DOP1B: variants seen among roughly 807,000 people sequenced by gnomAD.
The protein encoded by DOP1B is DOP1 leucine zipper like protein B, also known as protein DOP1B.
DOP1B carries 174 observed loss-of-function variants against 233.5 expected under a neutral mutation model. That is an observed-to-expected ratio of 0.75 (90% CI 0.66 to 0.85). DOP1B has a LOEUF of 0.85. Among genes scored for constraint, DOP1B ranks in the 40% least tolerant of loss-of-function variants. DOP1B has a pLI of 0.00. For missense variants in DOP1B, 2,652 were observed against 2,846.6 expected, an observed-to-expected ratio of 0.93 and a Z score of 1.56; for synonymous variants, 1,190 against 1,185.6, an observed-to-expected ratio of 1.00 and a Z score of -0.08.
intron 1 of DOP1B, among the ~76,000 whole-genome samples, chr21:36,160,506 C>T: frequency 7.5e-6 from 1 of 132,662 alleles, no homozygotes; most frequent in African/African-American, 2.9e-5. Context: ...GAGACAGAGT[C>T]TCACTCTGTC....
chr21:36,237,443 C>T (rs2066841424), intron 16 of DOP1B, 29 bp downstream of exon 16: 26 of 1,612,142 alleles, frequency 1.6e-5, no homozygotes, highest in Non-Finnish European at 2.0e-5. Context: ...CACCTCCATC[C>T]TGCAGCACCC....
chr21:36,163,259 G>C (rs1000034884), intron 1 of DOP1B, among the ~76,000 whole-genome samples: 1 of 149,268 alleles, frequency 6.7e-6, no homozygotes, highest in Non-Finnish European at 1.5e-5. Flanking sequence ...CAGGAGAATC[G>C]CTTGAACCCA....
intron 35 of DOP1B, among the ~76,000 whole-genome samples, chr21:36,290,962 T>A (rs1455267494): frequency 6.8e-6 from 1 of 147,104 alleles, no homozygotes; most frequent in Non-Finnish European, 1.5e-5. Flanking sequence ...AGAGCGAGAC[T>A]CCCCCTCAAA....
chr21:36,189,631 A>AC (rs1383870741), intron 2 of DOP1B, among the ~76,000 whole-genome samples: 1 of 151,944 alleles, frequency 6.6e-6, no homozygotes, highest in Non-Finnish European at 1.5e-5. Context: ...AATCGCTAGA[A>AC]CCCGGGAGGT....
At chr21:36,227,633 T>C (rs2066708569) in intron 12 of DOP1B, 53 bp from the exon 13 acceptor site, 50 of 1,410,942 alleles carry the variant, frequency 3.5e-5, no homozygotes, top group Non-Finnish European at 4.6e-5. Flanking sequence ...GATGCATTGT[T>C]TTTCTGATTG....
At chr21:36,273,625 A>C (rs969812717) in intron 27 of DOP1B, among the ~76,000 whole-genome samples, 6 of 152,150 alleles carry the variant, frequency 3.9e-5, no homozygotes, top group African/African-American at 1.4e-4. Flanking sequence ...AGGTCTGGGA[A>C]GGCACTGCCC....
chr21:36,240,044 C>G, intron 18 of DOP1B, 89 bp downstream of exon 18: 2 of 1,399,898 alleles, frequency 1.4e-6, no homozygotes, highest in Non-Finnish European at 1.9e-6. Flanking sequence ...CTGAGGCCCA[C>G]TAGGGGGTTT....
At chr21:36,292,271 T>C in intron 36 of DOP1B, 38 bp downstream of exon 36, 1 of 1,461,074 alleles carries the variant, frequency 6.8e-7, no homozygotes, top group South Asian at 1.3e-5. Flanking sequence ...TTTTTTTTTT[T>C]GGTGAGACAG....
At position 36,246,176 on chromosome 21, in the gene DOP1B, A is replaced by G. The variant is rs764049383; in HGVS notation, c.4196A>G (p.Gln1399Arg). The G allele has an allele frequency of 2.5e-6, 4 of 1,613,776 alleles. No individual in the cohort carries two copies. The highest frequency in any genetic ancestry group is 2.2e-5 in the East Asian group (1 of 44,864). ...LSLSASMYTS[Q>R]KRYGLATAHH... ...CTGTCGGCGTCCATGTACACGAGCC[A>G]GAAGCGCTACGGGCTGGCCACCGCC... Residue 1399 changes from glutamine (Q) to arginine (R), a missense_variant, in exon 19 of 37, where the codon CAG (glutamine) becomes CGG (arginine). Physicochemically the swap from Gln to Arg is conservative, Grantham distance 43. Transcript: ENST00000691173. The surrounding 1 kb of genome is among the most constrained non-coding windows in gnomAD (Gnocchi z 5.1).
At position 36,246,010 on chromosome 21, in the gene DOP1B, G is replaced by T. The variant is rs200255806; in HGVS notation, c.4030G>T (p.Val1344Leu). 1.4e-5 allele frequency: 23 copies of T among 1,613,928 alleles called. No individual in the cohort carries two copies. The East Asian group carries it at 4.5e-4, about 31-fold the overall frequency. The change falls in exon 19 of 37, where the codon GTG (valine) becomes TTG (leucine). Residue 1344 changes from valine to leucine, a missense_variant. Val to Leu is a conservative substitution (Grantham distance 32). Around this residue, in one of 3 missense-constraint regions of DOP1B, gnomAD observed 2,617 missense variants for 2,794.3 expected, o/e 0.94. Coordinates refer to ENST00000691173, the MANE Select transcript of DOP1B (RefSeq NM_001320714.2). The surrounding 1 kb of genome is among the most constrained non-coding windows in gnomAD (Gnocchi z 5.1). The part of the protein sequence containing the change: ...SHRDILGNRD[V>L]QVKSVEVLIR... ...CCGAGACATTCTCGGCAACCGGGAC[G>T]TGCAGGTCAAAAGTGTCGAGGTTTT...
intron 4 of DOP1B, among the ~76,000 whole-genome samples, chr21:36,205,532 G>A (rs888713599): frequency 6.6e-6 from 1 of 151,970 alleles, no homozygotes. Flanking sequence ...GGGATTACAG[G>A]TGCGAACCAC....
chr21:36,282,249 C>T (rs2067425908), intron 32 of DOP1B, among the ~76,000 whole-genome samples: 1 of 151,920 alleles, frequency 6.6e-6, no homozygotes, highest in Admixed American at 6.6e-5. Context: ...GGTGAAACCC[C>T]ATCTCTACTA....
Position 36,293,894 on chromosome 21 carries a change from A to G in DOP1B, c.*323A>G. The G allele has an allele frequency of 3.7e-6, 1 of 268,896 alleles. No homozygotes were observed. The highest frequency in any genetic ancestry group is 2.2e-5 in the African/African-American group (1 of 45,090). 16.7% of individuals were successfully genotyped at this position (268,896 alleles called of 1,614,324 possible). ...CTACTTGGGAGGCTAAGGCATGAGA[A>G]TTGCTTGAACCCAGGAGGTGGAGGC... On this transcript the variant is annotated 3_prime_UTR_variant, in exon 37 of 37. Coordinates refer to ENST00000691173, the MANE Select transcript of DOP1B (RefSeq NM_001320714.2).
intron 9 of DOP1B, 74 bp from the exon 10 acceptor site, chr21:36,219,298 G>A: frequency 9.0e-6 from 14 of 1,559,400 alleles, no homozygotes; most frequent in Non-Finnish European, 1.1e-5. Flanking sequence ...TATGTCTTAT[G>A]TATATACATA....
chr21:36,178,240 C>A (rs1287230984), intron 2 of DOP1B, among the ~76,000 whole-genome samples: 1 of 152,144 alleles, frequency 6.6e-6, no homozygotes, highest in Non-Finnish European at 1.5e-5. Context: ...CTTGTACTCT[C>A]AGGACTTTGG....
intron 20 of DOP1B, 83 bp downstream of exon 20, chr21:36,247,711 G>A (rs1160134756): frequency 2.1e-5 from 21 of 994,996 alleles, no homozygotes; most frequent in South Asian, 8.1e-5. Flanking sequence ...AATAAGTAAC[G>A]TATGTATGTA....
intron 7 of DOP1B, among the ~76,000 whole-genome samples, chr21:36,212,771 T>A (rs2066514521): frequency 6.6e-6 from 1 of 152,200 alleles, no homozygotes. Flanking sequence ...TGATCAACTC[T>A]CAACATTTAG....
chr21:36,164,878 AGGGTG>A lies in DOP1B; in HGVS notation c.138+8_138+12del. 1 of 1,597,142 alleles carries A rather than the reference AGGGTG, an allele frequency of 6.3e-7. No homozygotes were observed. Among genetic ancestry groups the A allele is most frequent in the Non-Finnish European group, 8.5e-7 (1 of 1,172,674 alleles). The stretch of plus-strand genomic sequence containing the variant: ...ACTTGGCAAACTCAACAAGGTATGT[AGGGTG>A]TATCCTATTTGGATTGCATGGAGGT... On this transcript the variant is annotated splice_region_variant and intron_variant, in intron 2 of 36. Coordinates refer to ENST00000691173, the MANE Select transcript of DOP1B (RefSeq NM_001320714.2).
chr21:36,248,360 G>T lies in DOP1B; in HGVS notation c.4810-20G>T, dbSNP rs751423413. The T allele has an allele frequency of 6.2e-7, 1 of 1,611,756 alleles. No homozygotes were observed. The highest frequency in any genetic ancestry group is 8.5e-7 in the Non-Finnish European group (1 of 1,178,788). ...ATTCCACAGACACAGCCTGCCTCAT[G>T]TATTCATTTTAATTTTTAGACCATG... is the stretch of plus-strand genomic sequence containing the variant. On this transcript the variant is annotated intron_variant, in intron 20 of 36. Coordinates refer to ENST00000691173, the MANE Select transcript of DOP1B (RefSeq NM_001320714.2).
Sources: allele counts gnomAD v4.1 joint callset (sites outside exome capture counted in the v4.1 genomes callset), GRCh38; gene constraint gnomAD v4.1.1; regional missense constraint gnomAD v4.1.1; non-coding constraint Gnocchi (gnomAD v3.1); transcripts MANE v1.5; gene names NCBI Gene and HGNC (gene_info 2026-07-23, HGNC 2026-07-21).